FGGY: variants seen among roughly 807,000 people sequenced by gnomAD.
The protein encoded by FGGY is FGGY carbohydrate kinase domain-containing protein.
In FGGY, 72 loss-of-function variants were observed where a neutral mutation model predicts 71.3. That is an observed-to-expected ratio of 1.01 (90% CI 0.84 to 1.23). The LOEUF (loss-of-function observed/expected upper bound fraction) is 1.23, where lower values mean the gene tolerates loss of function less well. Among genes scored for constraint, FGGY ranks in the 50% most tolerant of loss-of-function variants. The pLI is 0.00. For synonymous variants in FGGY, 251 were observed against 250.3 expected (o/e 1.00, Z -0.02); for missense variants, 668 against 682.3 (o/e 0.98, Z 0.23).
At chr1:59,444,114 C>T (rs1355291880) in intron 5 of FGGY, among the ~76,000 whole-genome samples, 1 of 152,134 alleles carries the variant, frequency 6.6e-6, no homozygotes, top group African/African-American at 2.4e-5. Context: ...GAAGATGTTA[C>T]CATCACAAGG....
intron 11 of FGGY, among the ~76,000 whole-genome samples, chr1:59,657,237 C>A (rs2097227488): frequency 6.6e-6 from 1 of 152,124 alleles, no homozygotes; most frequent in South Asian, 2.1e-4. Context: ...ATTTTACCCC[C>A]ACTCCCAACA....
chr1:59,392,911 T>C (rs900150963), intron 5 of FGGY, among the ~76,000 whole-genome samples: 1 of 152,196 alleles, frequency 6.6e-6, no homozygotes, highest in Non-Finnish European at 1.5e-5. Flanking sequence ...TGTTAAAATG[T>C]GCCAAAAACT....
At chr1:59,529,672 T>C (rs1184030009) in intron 7 of FGGY, among the ~76,000 whole-genome samples, 1 of 152,192 alleles carries the variant, frequency 6.6e-6, no homozygotes, top group African/African-American at 2.4e-5. Flanking sequence ...AGTACCGTTT[T>C]GGAGTTTGTG....
intron 1 of FGGY, among the ~76,000 whole-genome samples, chr1:59,302,600 G>A (rs1176267965): frequency 1.3e-5 from 2 of 152,078 alleles, no homozygotes; most frequent in Non-Finnish European, 2.9e-5. Context: ...TCACTTATAA[G>A]TGAGAGCTAA....
At chr1:59,559,062 T>C (rs2153713681) in intron 8 of FGGY, among the ~76,000 whole-genome samples, 1 of 152,314 alleles carries the variant, frequency 6.6e-6, no homozygotes, top group Non-Finnish European at 1.5e-5. Flanking sequence ...ACTGATTTCA[T>C]ATTGTTCAAA....
At chr1:59,658,018 A>C (rs933405882) in intron 11 of FGGY, among the ~76,000 whole-genome samples, 5 of 152,186 alleles carry the variant, frequency 3.3e-5, no homozygotes, top group Non-Finnish European at 7.4e-5. Flanking sequence ...GTGGTGTCTA[A>C]AAGGTGAAAA....
intron 3 of FGGY, among the ~76,000 whole-genome samples, chr1:59,344,020 A>T (rs1056562715): frequency 6.6e-6 from 1 of 152,190 alleles, no homozygotes; most frequent in Non-Finnish European, 1.5e-5. Flanking sequence ...TAGGAGCTGG[A>T]CATCAGTATT....
intron 5 of FGGY, among the ~76,000 whole-genome samples, chr1:59,406,057 A>G (rs1230907309): frequency 6.6e-6 from 1 of 151,594 alleles, no homozygotes; most frequent in Non-Finnish European, 1.5e-5. Context: ...TCTATCTCCT[A>G]TTTTCCAGGA....
intron 14 of FGGY, among the ~76,000 whole-genome samples, chr1:59,739,493 A>G (rs1380920045): frequency 6.6e-6 from 1 of 152,112 alleles, no homozygotes; most frequent in Non-Finnish European, 1.5e-5. Flanking sequence ...GTATGGGGAG[A>G]ATGGTTTCAA....
At chr1:59,674,814 T>G (rs2097420577) in intron 14 of FGGY, among the ~76,000 whole-genome samples, 1 of 152,076 alleles carries the variant, frequency 6.6e-6, no homozygotes, top group South Asian at 2.1e-4. Context: ...TGTGGAGAGG[T>G]TTTGAGTGCT....
At chr1:59,747,887 A>G (rs2098213829) in intron 14 of FGGY, among the ~76,000 whole-genome samples, 1 of 152,200 alleles carries the variant, frequency 6.6e-6, no homozygotes, top group Non-Finnish European at 1.5e-5. Context: ...CTGCCTGTTG[A>G]CTGTGAGCTT....
At chr1:59,631,216 A>C (rs530951147) in intron 10 of FGGY, among the ~76,000 whole-genome samples, 3 of 152,222 alleles carry the variant, frequency 2.0e-5, no homozygotes, top group Admixed American at 2.0e-4. Context: ...TTGAGTTTAT[A>C]GTCCTTTTCT....
At chr1:59,362,749 G>A (rs947972051) in intron 4 of FGGY, among the ~76,000 whole-genome samples, 1 of 152,122 alleles carries the variant, frequency 6.6e-6, no homozygotes, top group African/African-American at 2.4e-5. Context: ...TATAAATTAT[G>A]TATTTTAGAA....
intron 6 of FGGY, among the ~76,000 whole-genome samples, chr1:59,492,372 A>G (rs2093892711): frequency 6.6e-6 from 1 of 152,160 alleles, no homozygotes; most frequent in Admixed American, 6.6e-5. Context: ...TACATGCATA[A>G]GGCTTATCAA....
At chr1:59,500,719 A>G (rs1423368052) in intron 6 of FGGY, among the ~76,000 whole-genome samples, 1 of 151,784 alleles carries the variant, frequency 6.6e-6, no homozygotes, top group African/African-American at 2.4e-5. Flanking sequence ...GACCATTTCT[A>G]AGATGAAATG....
chr1:59,639,904 A>G (rs552252543), intron 11 of FGGY, among the ~76,000 whole-genome samples: 1 of 152,310 alleles, frequency 6.6e-6, no homozygotes, highest in Non-Finnish European at 1.5e-5. Flanking sequence ...CTGACATCCA[A>G]GACCTAAGAA....
rs556506781 is a variant in FGGY, at chr1:59,397,722, G to A, written c.554+18885G>A. ...GGCAGGTTGTGCCCCATAAAAGGGC[G>A]GGGCAGTATACCCTGTATTAGTTTA... On this transcript the variant is annotated intron_variant, in intron 5 of 15. Transcript: ENST00000303721. Among the ~76,000 whole-genome samples, 16 of 152,254 alleles carry A rather than the reference G, an allele frequency of 1.1e-4. No homozygotes were observed. The South Asian group carries it at 1.7e-3, about 16-fold the overall frequency.
chr1:59,400,182 T>G (rs1295644610), intron 5 of FGGY, among the ~76,000 whole-genome samples: 2 of 152,230 alleles, frequency 1.3e-5, no homozygotes, highest in East Asian at 3.8e-4. Flanking sequence ...TCTTAATAAG[T>G]GAAAGCACTG....
At position 59,368,273 on chromosome 1, in the gene FGGY, A is replaced by T. The variant is rs150905356; in HGVS notation, c.466-10476A>T. The stretch of plus-strand genomic sequence containing the variant: ...CTGTCCAGGATTGAAATTGTACGGA[A>T]ATGTGCTTAGAAGGGCTTTTGTTTG... On this transcript the variant is annotated intron_variant, in intron 4 of 15. Coordinates refer to ENST00000303721, the MANE Select transcript of FGGY (RefSeq NM_018291.5). 4.1e-3 allele frequency among the ~76,000 whole-genome samples: 618 copies of T among 152,266 alleles called. 5 individuals carry two copies. The highest frequency in any genetic ancestry group is 7.2e-3 in the Non-Finnish European group (490 of 68,014).
Sources: allele counts gnomAD v4.1 joint callset (sites outside exome capture counted in the v4.1 genomes callset), GRCh38; gene constraint gnomAD v4.1.1; transcripts MANE v1.5; gene names NCBI Gene and HGNC (gene_info 2026-07-23, HGNC 2026-07-21).